TRPC5: variants seen among roughly 807,000 people sequenced by gnomAD.
TRPC5 encodes transient receptor potential cation channel subfamily C member 5.
Under a neutral mutation model 56.5 loss-of-function variants are expected in TRPC5, and 9 were observed. The ratio of observed to expected loss-of-function variants is 0.16; its 90% CI spans 0.10 to 0.28. TRPC5 has a LOEUF of 0.28. Among genes scored for constraint, TRPC5 ranks in the 10% least tolerant of loss-of-function variants. The probability of loss-of-function intolerance (pLI) is 1.00; values close to 1 mark genes in which losing one functional copy is unlikely to be tolerated. For synonymous variants in TRPC5, 282 were observed against 278.5 expected, an observed-to-expected ratio of 1.01 and a Z score of -0.13; for missense variants, 469 against 748.9, an observed-to-expected ratio of 0.63 and a Z score of 4.36.
At chrX:112,067,462 C>T (rs1483634590) in intron 1 of TRPC5, among the ~76,000 whole-genome samples, 4 of 112,406 alleles carry the variant, frequency 3.6e-5, no homozygotes, top group Non-Finnish European at 7.5e-5. Flanking sequence ...GTGTGTCTGC[C>T]GTCTCAGCTT....
intron 1 of TRPC5, among the ~76,000 whole-genome samples, chrX:112,037,428 G>A (rs753626358): frequency 9.0e-6 from 1 of 111,531 alleles, no homozygotes; most frequent in African/African-American, 3.3e-5. Flanking sequence ...TGCTCTATCC[G>A]GCTTGTACTG....
At chrX:111,825,726 G>A (rs1037856218) in intron 7 of TRPC5, among the ~76,000 whole-genome samples, 1 of 111,983 alleles carries the variant, frequency 8.9e-6, no homozygotes, top group Non-Finnish European at 1.9e-5. Context: ...AGTGTTCTTA[G>A]ATCCAAGACT....
chrX:112,074,342 G>T (rs925784031), intron 1 of TRPC5, among the ~76,000 whole-genome samples: 1 of 107,578 alleles, frequency 9.3e-6, no homozygotes, highest in African/African-American at 3.4e-5. Context: ...GGATGAAGCT[G>T]GAAACCATCA....
chrX:111,818,020 C>G (rs1921915609), intron 7 of TRPC5, among the ~76,000 whole-genome samples: 1 of 111,506 alleles, frequency 9.0e-6, no homozygotes, highest in African/African-American at 3.3e-5. Context: ...GCCAACCTTT[C>G]TGAGCTTTGG....
chrX:112,028,906 T>C (rs1365929170), intron 1 of TRPC5, among the ~76,000 whole-genome samples: 1 of 112,418 alleles, frequency 8.9e-6, no homozygotes, highest in African/African-American at 3.2e-5. Context: ...TGTAAAAGTG[T>C]TCCTATTTCT....
chrX:111,923,004 C>A (rs1239105910), intron 2 of TRPC5, among the ~76,000 whole-genome samples: 4 of 110,778 alleles, frequency 3.6e-5, no homozygotes, highest in Non-Finnish European at 5.7e-5. Context: ...TAATTACTCC[C>A]ATTTTATATC....
chrX:112,032,592 T>C (rs1452238969), intron 1 of TRPC5, among the ~76,000 whole-genome samples: 1 of 112,276 alleles, frequency 8.9e-6, no homozygotes, highest in Non-Finnish European at 1.9e-5. Flanking sequence ...TGTATGTACA[T>C]ATGCTTGCTT....
chrX:111,888,693 CAAAA>C (rs753735549), intron 3 of TRPC5, among the ~76,000 whole-genome samples: 2 of 10,975 alleles, frequency 1.8e-4, no homozygotes, highest in East Asian at 3.6e-3. Flanking sequence ...GACTCTATCT[CAAAA>C]AAAAAAAAAA....
At chrX:112,052,321 T>G (rs1352669148) in intron 1 of TRPC5, among the ~76,000 whole-genome samples, 2 of 111,356 alleles carry the variant, frequency 1.8e-5, no homozygotes, top group Non-Finnish European at 3.8e-5. Flanking sequence ...GCCTTCTTAA[T>G]GAGTATGATG....
intron 1 of TRPC5, among the ~76,000 whole-genome samples, chrX:111,969,639 T>G (rs905435574): frequency 8.9e-6 from 1 of 111,747 alleles, no homozygotes; most frequent in Non-Finnish European, 1.9e-5. Context: ...GGGTAGGATA[T>G]AGATAGACAG....
chrX:112,025,315 T>G (rs762404003), intron 1 of TRPC5, among the ~76,000 whole-genome samples: 1 of 112,339 alleles, frequency 8.9e-6, no homozygotes, highest in Non-Finnish European at 1.9e-5. Context: ...TAGCCAGTTA[T>G]GCCAATTATA....
At chrX:112,056,029 C>T (rs1342511713) in intron 1 of TRPC5, among the ~76,000 whole-genome samples, 2 of 111,473 alleles carry the variant, frequency 1.8e-5, no homozygotes, top group Non-Finnish European at 3.8e-5. Flanking sequence ...TAGGAAGTTG[C>T]AGTGATACCT....
At chrX:111,788,265 A>C (rs1254469834) in intron 7 of TRPC5, among the ~76,000 whole-genome samples, 2 of 111,961 alleles carry the variant, frequency 1.8e-5, no homozygotes, top group African/African-American at 6.5e-5. Context: ...CAACATACAC[A>C]AATCAATAAA....
chrX:111,797,452 A>T (rs746123040), intron 7 of TRPC5, among the ~76,000 whole-genome samples: 1 of 111,855 alleles, frequency 8.9e-6, no homozygotes, highest in East Asian at 2.8e-4. Flanking sequence ...AAGTGGATAT[A>T]CCTCTATCTT....
At chrX:111,908,571 T>C (rs1228801238) in intron 3 of TRPC5, among the ~76,000 whole-genome samples, 1 of 111,354 alleles carries the variant, frequency 9.0e-6, no homozygotes, top group Non-Finnish European at 1.9e-5. Context: ...CTATCCCGGC[T>C]GTATACCTGG....
rs1039714756 is a variant in TRPC5, at chrX:112,082,693, G to C, written c.-836C>G. On this transcript the variant is annotated 5_prime_UTR_variant, in exon 1 of 11. Transcript: ENST00000262839. Reference sequence around the variant, plus strand: ...TTCCTTTTCCCTTCTTTCTGCGCCCGGCTTCCCTCTGCTCCTGTTCTTTAT... The same window carrying C: ...TTCCTTTTCCCTTCTTTCTGCGCCCCGCTTCCCTCTGCTCCTGTTCTTTAT... The C allele has an allele frequency of 2.7e-5, 3 of 109,658 alleles. No individual in the cohort carries two copies. The Admixed American group carries it at 2.9e-4, about 11-fold the overall frequency. 9.0% of individuals were successfully genotyped at this position (109,658 alleles called of 1,213,427 possible).
chrX:111,840,524 C>T (rs931977993), intron 6 of TRPC5, among the ~76,000 whole-genome samples: 14 of 112,158 alleles, frequency 1.2e-4, no homozygotes, highest in Admixed American at 1.9e-4. Flanking sequence ...TTTTGATCCA[C>T]GGATGATTGA....
chrX:111,934,254 G>A (rs1248749832), intron 2 of TRPC5, among the ~76,000 whole-genome samples: 2 of 90,969 alleles, frequency 2.2e-5, no homozygotes, highest in Non-Finnish European at 4.5e-5. Flanking sequence ...GTTTTGTTCT[G>A]TTTTTTTTTT....
intron 1 of TRPC5, among the ~76,000 whole-genome samples, chrX:112,056,062 T>C (rs1930334521): frequency 9.0e-6 from 1 of 111,430 alleles, no homozygotes; most frequent in African/African-American, 3.3e-5. Context: ...GCCAAGAATA[T>C]AGTGCTGCTA....
Sources: gnomAD v4.1 joint callset for allele counts (sites outside exome capture counted in the v4.1 genomes callset) on GRCh38, gnomAD v4.1.1 for gene constraint, MANE v1.5 for transcripts, NCBI Gene and HGNC (gene_info 2026-07-23, HGNC 2026-07-21) for gene names.